The following NBPF11 variants were observed in gnomAD, a reference collection of about 807,000 sequenced individuals.
The protein encoded by NBPF11 is NBPF family member NBPF11.
NBPF11 carries 72 observed loss-of-function variants against 93.9 expected under a neutral mutation model. The observed-to-expected ratio is 0.77, with a 90% CI of 0.63 to 0.93. The LOEUF (loss-of-function observed/expected upper bound fraction) is 0.93. Ranked by LOEUF, NBPF11 falls within the 40% of genes least tolerant of loss-of-function variation. NBPF11 has a pLI of 0.00. For missense variants in NBPF11, 705 were observed against 802.2 expected, an observed-to-expected ratio of 0.88 and a Z score of 1.46; for synonymous variants, 224 against 304.9, an observed-to-expected ratio of 0.73 and a Z score of 2.76.
At chr1:148,120,479 A>C in intron 10 of NBPF11, 22 bp downstream of exon 10, 1 of 902,368 alleles carries the variant, frequency 1.1e-6, no homozygotes, top group Non-Finnish European at 1.9e-6. Context: ...CACTTTCGTG[A>C]TGGTGAGCAT....
At chr1:148,120,782 G>C (rs1165050586) in intron 9 of NBPF11, 72 bp from the exon 10 acceptor site, 14 of 1,083,438 alleles carry the variant, frequency 1.3e-5, no homozygotes, top group Non-Finnish European at 2.0e-5. Context: ...TCAGGACTGA[G>C]GGATGTCACT....
chr1:148,149,519 C>G, intron 1 of NBPF11: 1 of 1,593,408 alleles, frequency 6.3e-7, no homozygotes, highest in South Asian at 1.1e-5. Flanking sequence ...GTACCTGGAG[C>G]GCCTGCGTCG....
At chr1:148,138,264 GGGCTTTACACC>G (rs1365631722) in intron 2 of NBPF11, among the ~76,000 whole-genome samples, 1 of 150,376 alleles carries the variant, frequency 6.6e-6, no homozygotes, top group African/African-American at 2.5e-5. Flanking sequence ...ATATACAATC[GGGCTTTACACC>G]GAGACATTCC....
intron 4 of NBPF11, among the ~76,000 whole-genome samples, chr1:148,127,803 C>T (rs1227276763): frequency 2.4e-4 from 36 of 149,648 alleles, no homozygotes; most frequent in East Asian, 9.7e-4. Context: ...CCACCACGCC[C>T]GGCTAATTTT....
chr1:148,122,384 G>A (rs1483251100), intron 8 of NBPF11, 118 bp from the exon 9 acceptor site: 2 of 1,534,338 alleles, frequency 1.3e-6, no homozygotes, highest in Admixed American at 1.7e-5. Flanking sequence ...AAAACAAATG[G>A]AGGTTCCCTT....
chr1:148,132,144 G>GTGTA (rs1392331503), intron 4 of NBPF11, among the ~76,000 whole-genome samples: 3,982 of 130,166 alleles, frequency 0.031, no homozygotes, highest in East Asian at 0.071. Flanking sequence ...GTGTGTGTGT[G>GTGTA]TATATATATA....
At chr1:148,114,516 A>C in intron 14 of NBPF11, 28 bp from the exon 15 acceptor site, 1 of 576,548 alleles carries the variant, frequency 1.7e-6, no homozygotes, top group Non-Finnish European at 3.0e-6. Flanking sequence ...GAAGCAGGTC[A>C]CATTAAGCAA....
At chr1:148,135,932 A>C in intron 3 of NBPF11, 119 bp from the exon 4 acceptor site, 1 of 721,816 alleles carries the variant, frequency 1.4e-6, no homozygotes, top group Non-Finnish European at 2.4e-6. Flanking sequence ...AGAGAAGCTC[A>C]TACTGGTCAC....
intron 14 of NBPF11, among the ~76,000 whole-genome samples, chr1:148,115,275 C>T (rs1428961822): frequency 6.8e-6 from 1 of 146,152 alleles, no homozygotes; most frequent in Non-Finnish European, 1.5e-5. Flanking sequence ...TCCAGCCTTG[C>T]TTTATGGAAA....
At chr1:148,105,577 A>G in intron 21 of NBPF11, 49 bp from the exon 22 acceptor site, 1 of 719,242 alleles carries the variant, frequency 1.4e-6, no homozygotes, top group South Asian at 1.4e-5. Context: ...AATCACACAC[A>G]ACAGAGCCCC....
chr1:148,149,254 G>C, intron 1 of NBPF11: 1 of 1,595,310 alleles, frequency 6.3e-7, no homozygotes, highest in Non-Finnish European at 8.5e-7. Flanking sequence ...AGTGTGCCGC[G>C]GTGGTGCTGC....
chr1:148,150,863 G>A (rs1648126858), intron 1 of NBPF11, among the ~76,000 whole-genome samples: 1 of 151,790 alleles, frequency 6.6e-6, no homozygotes, highest in African/African-American at 2.4e-5. Flanking sequence ...GAGTAGCTGG[G>A]ACTACAGGCA....
rs1407777764 is a variant in NBPF11, at chr1:148,121,493, G to A, written c.778+562C>T. Reference sequence around the variant, plus strand: ...CTCCTGAGTAGCTGGGACTACAGGCGCCCACCACCGCGCCCAGCTAATTTC... The same window carrying A: ...CTCCTGAGTAGCTGGGACTACAGGCACCCACCACCGCGCCCAGCTAATTTC... On this transcript the variant is annotated intron_variant, in intron 9 of 23. Transcript: ENST00000682118. Among the ~76,000 whole-genome samples the A allele has an allele frequency of 1.4e-3, 219 of 151,056 alleles. 6 individuals are homozygous for A. The highest frequency in any genetic ancestry group is 4.8e-3 in the African/African-American group (198 of 40,898).
rs1553268079 is a variant in NBPF11 at position 148,109,185 on chromosome 1, C to G, written c.1853+99G>C. ...GTAGGCATAATTCAGACTTGTCTGA[C>G]AAGACAAAATCATGATTTTCAGCGT... On this transcript the variant is annotated intron_variant, in intron 17 of 23. Coordinates refer to ENST00000682118, the MANE Select transcript of NBPF11 (RefSeq NM_001385469.3). 4.2e-6 allele frequency: 4 copies of G among 956,878 alleles called. 1 individual carries two copies. The highest frequency in any genetic ancestry group is 3.3e-5 in the African/African-American group (2 of 61,132). The allele number at this position is 956,878 out of a possible 1,614,324, so 59.3% of individuals were successfully genotyped here.
At chr1:148,118,184 G>A (rs1269569761) in intron 11 of NBPF11, among the ~76,000 whole-genome samples, 17,540 of 145,532 alleles carry the variant, frequency 0.12, 1,137 homozygotes, top group East Asian at 0.27. Flanking sequence ...CAGATAGGGC[G>A]AATTGAAAAG....
intron 4 of NBPF11, among the ~76,000 whole-genome samples, chr1:148,130,962 G>A (rs1350666535): frequency 2.0e-5 from 3 of 151,762 alleles, no homozygotes; most frequent in Non-Finnish European, 4.4e-5. Context: ...TGTAAATACT[G>A]AGTAGTATTC....
In NBPF11 at chr1:148,105,618, G is replaced by T. The variant is rs1472667167; in HGVS notation, c.2304-90C>A. 2.3e-5 allele frequency: 16 copies of T among 700,462 alleles called. 1 individual carries two copies. Among genetic ancestry groups the T allele is most frequent in the Non-Finnish European group, 3.6e-5 (14 of 392,080 alleles). The allele number at this position is 700,462 out of a possible 1,614,324, so 43.4% of individuals were successfully genotyped here. A position where few individuals can be genotyped will look rare whatever the true frequency, so the allele number is the denominator to read the frequency against. ...GGTTTCATGGGTAGCATAAGGAAGT[G>T]GTTAAAAAAGTAAAAGGATAGATCT... On this transcript the variant is annotated intron_variant, in intron 21 of 23. Transcript: ENST00000682118.
rs1273491756 is a variant in NBPF11, at chr1:148,146,587, C to T, written c.-548-2901G>A. Reference sequence around the variant, plus strand: ...GAGAGCCTCCTCGGGCGCACCCGGGCGCTGGAAGCTGCACCTGACGGAGCG... The same window carrying T: ...GAGAGCCTCCTCGGGCGCACCCGGGTGCTGGAAGCTGCACCTGACGGAGCG... On this transcript the variant is annotated intron_variant, in intron 1 of 23. Transcript: ENST00000682118. The T allele has an allele frequency of 8.7e-6, 14 of 1,608,486 alleles. No individual in the cohort carries two copies. In the East Asian group the frequency reaches 1.1e-4, roughly 13 times the overall value.
At chr1:148,148,385 G>A (rs1647288663) in intron 1 of NBPF11, among the ~76,000 whole-genome samples, 2 of 152,172 alleles carry the variant, frequency 1.3e-5, no homozygotes, top group Non-Finnish European at 1.5e-5. Context: ...AGGGTGGCAG[G>A]TGGGTCCCGC....
Sources: allele counts gnomAD v4.1 joint callset (sites outside exome capture counted in the v4.1 genomes callset), GRCh38; gene constraint gnomAD v4.1.1; transcripts MANE v1.5; gene names NCBI Gene and HGNC (gene_info 2026-07-23, HGNC 2026-07-21).